The following EEF2 variants were observed in gnomAD, a reference collection of about 807,000 sequenced individuals.
The protein encoded by EEF2 is elongation factor 2.
In EEF2, 21 loss-of-function variants were observed where a neutral mutation model predicts 85.3. The observed-to-expected ratio is 0.25, with a 90% CI of 0.17 to 0.35. EEF2 has a LOEUF of 0.35. Ranked by LOEUF, EEF2 falls within the 10% of genes least tolerant of loss-of-function variation. The pLI is 1.00. For missense variants in EEF2, 825 were observed against 1,225.3 expected (o/e 0.67, Z 4.88); for synonymous variants, 723 against 508.8 (o/e 1.42, Z -5.67).
chr19:3,979,289 C>CGG, intron 11 of EEF2, 40 bp downstream of exon 11: 1 of 1,542,710 alleles, frequency 6.5e-7, no homozygotes, highest in Non-Finnish European at 9.0e-7. Context: ...GGCAGGTGTC[C>CGG]GGGGTGGGGC....
chr19:3,983,968 G>A, intron 2 of EEF2, 168 bp downstream of exon 2: 2 of 702,954 alleles, frequency 2.8e-6, no homozygotes, highest in South Asian at 1.9e-5. Context: ...GAATCCCTGT[G>A]CCTCTCCATC....
chr19:3,984,433 G>A, intron 1 of EEF2, 83 bp from the exon 2 acceptor site: 3 of 1,449,128 alleles, frequency 2.1e-6, no homozygotes, highest in Non-Finnish European at 2.9e-6. Flanking sequence ...AAACGAACCA[G>A]CATGCCCAAG....
rs1238638025 is a variant in EEF2, at chr19:3,978,069, G to C, written c.1817C>G (p.Ala606Gly). Residue 606 changes from alanine to glycine, a missense_variant, in exon 12 of 15, where the codon GCG becomes GGG. Ala to Gly is a moderately conservative substitution (Grantham distance 60, BLOSUM62 0). Transcript: ENST00000309311. ...PNKHNRLYMK[A>G]RPFPDGLAED... is the part of the protein sequence containing the mutation. Reference sequence around the variant, plus strand: ...GGCCAGGCCGTCGGGGAAGGGCCGCGCCTTCATGTACAGCCGGTTGTGCTT... The same window carrying C: ...GGCCAGGCCGTCGGGGAAGGGCCGCCCCTTCATGTACAGCCGGTTGTGCTT... 6.4e-7 allele frequency: 1 copy of C among 1,573,196 alleles called. No homozygotes were observed. The highest frequency in any genetic ancestry group is 1.3e-5 in the African/African-American group (1 of 74,160).
chr19:3,981,506 C>CA, intron 6 of EEF2, 54 bp from the exon 7 acceptor site: 1 of 1,513,780 alleles, frequency 6.6e-7, no homozygotes, highest in Non-Finnish European at 9.1e-7. Flanking sequence ...CAGGAGGAAG[C>CA]CTGGCACTGC....
rs772490991 is a variant in EEF2 at position 3,977,541 on chromosome 19, C to T, written c.2137G>A (p.Ala713Thr). The T allele has an allele frequency of 3.2e-6, 5 of 1,586,950 alleles. No individual in the cohort carries two copies. Among genetic ancestry groups the T allele is most frequent in the Non-Finnish European group, 4.3e-6 (5 of 1,172,114 alleles). The change falls in exon 13 of 15, where the codon GCC (alanine) becomes ACC (threonine). Residue 713 changes from alanine to threonine, a missense_variant. Physicochemically the swap from Ala to Thr is moderately conservative, Grantham distance 58. Coordinates refer to ENST00000309311, the MANE Select transcript of EEF2 (RefSeq NM_001961.4). The surrounding 1 kb of genome is among the most constrained non-coding windows in gnomAD (Gnocchi z 5.4). Reference protein sequence around the residue: ...DVHDVTLHADAIHRGGGQIIP... With the variant: ...DVHDVTLHADTIHRGGGQIIP... Reference sequence around the variant, plus strand: ...ATCTGGCCCCCTCCGCGGTGGATGGCGTCGGCGTGCAGGGTGACGTCGTGG... The same window carrying T: ...ATCTGGCCCCCTCCGCGGTGGATGGTGTCGGCGTGCAGGGTGACGTCGTGG...
Position 3,977,545 on chromosome 19 carries a change from G to A in EEF2, c.2133C>T (p.Ala711=), listed in dbSNP as rs374126801. 67 of 1,586,016 alleles carry A rather than the reference G, an allele frequency of 4.2e-5. No homozygotes were observed. In the African/African-American group the frequency reaches 5.4e-4, roughly 13 times the overall value. ...GGCCCCCTCCGCGGTGGATGGCGTC[G>A]GCGTGCAGGGTGACGTCGTGGACGT... The part of the protein sequence containing the change: ...RFDVHDVTLH[A]DAIHRGGGQI... Residue 711 remains alanine (A), a synonymous_variant, in exon 13 of 15, where the codon GCC becomes GCT. Coordinates refer to ENST00000309311, the MANE Select transcript of EEF2 (RefSeq NM_001961.4). The surrounding 1 kb of genome is among the most constrained non-coding windows in gnomAD (Gnocchi z 5.4).
rs776706788 is a variant in EEF2 at position 3,976,618 on chromosome 19, G to T, written c.2513C>A (p.Thr838Asn). Residue 838 changes from threonine (T) to asparagine (N), a missense_variant, in exon 15 of 15, where the codon ACC becomes AAC. Thr to Asn is a moderately conservative substitution (Grantham distance 65). Transcript: ENST00000309311. Reference sequence around the variant, plus strand: ...TTCTTTCAGGCCCTTGCGCTTGCGGGTCTCCGCCACCACCTGGCTGGGGCG... The same window carrying T: ...TTCTTTCAGGCCCTTGCGCTTGCGGTTCTCCGCCACCACCTGGCTGGGGCG... ...SSRPSQVVAETRKRKGLKEGI... is the reference protein window; with the variant it reads ...SSRPSQVVAENRKRKGLKEGI... The T allele has an allele frequency of 1.2e-6, 2 of 1,610,684 alleles. No individual in the cohort carries two copies. Among genetic ancestry groups the T allele is most frequent in the Non-Finnish European group, 1.7e-6 (2 of 1,178,834 alleles).
At chr19:3,981,787 G>C (rs898262001) in intron 6 of EEF2, among the ~76,000 whole-genome samples, 160 bp downstream of exon 6, 1 of 152,252 alleles carries the variant, frequency 6.6e-6, no homozygotes, top group Admixed American at 6.5e-5. Context: ...CTTAAGAGAG[G>C]AGCCCTGACT....
intron 6 of EEF2, 121 bp from the exon 7 acceptor site, chr19:3,981,573 G>C: frequency 1.1e-6 from 1 of 936,830 alleles, no homozygotes; most frequent in Non-Finnish European, 1.7e-6. Flanking sequence ...AGCAGGAGCA[G>C]GCCTGGCCTG....
chr19:3,982,719 C>T (rs1599197073), intron 4 of EEF2, 88 bp downstream of exon 4: 1 of 1,425,302 alleles, frequency 7.0e-7, no homozygotes, highest in East Asian at 2.5e-5. Context: ...AAACACACTT[C>T]CAGTCCCCCT....
Position 3,982,794 on chromosome 19 carries a change from G to C in EEF2, c.612+13C>G, listed in dbSNP as rs115380849. 5.5e-4 allele frequency: 885 copies of C among 1,604,978 alleles called. 5 individuals carry two copies. The African/African-American group carries it at 0.011, about 20-fold the overall frequency. On this transcript the variant is annotated intron_variant, in intron 4 of 14. Coordinates refer to ENST00000309311, the MANE Select transcript of EEF2 (RefSeq NM_001961.4). ...CTGCGGCAAGCCCACCACCCAGCTA[G>C]GGAGGGCCGTACCATGATGTTGCCC...
chr19:3,982,651 G>T, intron 4 of EEF2, 156 bp downstream of exon 4: 2 of 1,106,824 alleles, frequency 1.8e-6, no homozygotes, highest in Non-Finnish European at 2.6e-6. Context: ...TCAAGGGCTG[G>T]GTCAAGTCGG....
intron 1 of EEF2, chr19:3,985,102 GCCACATCATCATT>G: frequency 5.2e-6 from 2 of 387,338 alleles, no homozygotes; most frequent in Non-Finnish European, 9.1e-6. Flanking sequence ...TACTACGCCT[GCCACATCATCATT>G]CCCCACCCCC....
In EEF2 at chr19:3,984,357, A is replaced by G. The variant is rs1168793970; in HGVS notation, c.4-7T>C. 1.9e-6 allele frequency: 3 copies of G among 1,613,640 alleles called. No individual in the cohort carries two copies. The Admixed American group carries it at 5.0e-5, about 27-fold the overall frequency. ...GGTCTACCGTGAAGTTCACCTGGGC[A>G]AGACAAGGAGGCTCAGACCAGCTCG... On this transcript the variant is annotated splice_region_variant and splice_polypyrimidine_tract_variant and intron_variant, in intron 1 of 14. Coordinates refer to ENST00000309311, the MANE Select transcript of EEF2 (RefSeq NM_001961.4).
intron 1 of EEF2, 52 bp from the exon 2 acceptor site, chr19:3,984,402 A>G: frequency 6.3e-7 from 1 of 1,586,928 alleles, no homozygotes; most frequent in East Asian, 2.2e-5. Context: ...GGAACACAGC[A>G]TGGCACGGAG....
At chr19:3,976,794 G>C (rs764489088) in intron 14 of EEF2, 47 bp from the exon 15 acceptor site, 22 of 1,475,208 alleles carry the variant, frequency 1.5e-5, no homozygotes, top group Non-Finnish European at 1.8e-5. Context: ...GAAGGTGGCA[G>C]GGCAGAAGGA....
At position 3,984,195 on chromosome 19, in the gene EEF2, C is replaced by G; in HGVS notation, c.159G>C (p.Glu53Asp). The G allele has an allele frequency of 6.2e-7, 1 of 1,614,098 alleles. No homozygotes were observed. The highest frequency in any genetic ancestry group is 8.5e-7 in the Non-Finnish European group (1 of 1,180,036). The change falls in exon 2 of 15, where the codon GAG (glutamate) becomes GAC (aspartate). Residue 53 changes from glutamate to aspartate, a missense_variant. Transcript: ENST00000309311. ...CCTTCCGGGTATCAGTGAAGCGTGTCTCCCCGGCCCGGGCCGAGGCGATGA... is the reference window on the plus strand; with the variant it reads ...CCTTCCGGGTATCAGTGAAGCGTGTGTCCCCGGCCCGGGCCGAGGCGATGA... ...AGIIASARAG[E>D]TRFTDTRKDE...
At position 3,980,935 on chromosome 19, in the gene EEF2, C is replaced by T; in HGVS notation, c.1056G>A (p.Gln352=). Residue 352 remains glutamine (Q), a synonymous_variant, in exon 8 of 15, where the codon CAG becomes CAA. Transcript: ENST00000309311. The part of the protein sequence containing the change: ...RWLPAGDALL[Q]MITIHLPSPV... Reference sequence around the variant, plus strand: ...GGGAGGGCAGGTGGATGGTGATCATCTGCAACAAGGCGTCTCCGGCAGGCA... The same window carrying T: ...GGGAGGGCAGGTGGATGGTGATCATTTGCAACAAGGCGTCTCCGGCAGGCA... 2 of 1,573,088 alleles carry T rather than the reference C, an allele frequency of 1.3e-6. No individual in the cohort carries two copies. The highest frequency in any genetic ancestry group is 1.7e-6 in the Non-Finnish European group (2 of 1,160,078).
At chr19:3,976,778 C>A in intron 14 of EEF2, 31 bp from the exon 15 acceptor site, 1 of 1,504,452 alleles carries the variant, frequency 6.6e-7, no homozygotes, top group Admixed American at 2.2e-5. Context: ...CTCACTGGGC[C>A]ATCGAGAAGG....
Sources: allele counts gnomAD v4.1 joint callset (sites outside exome capture counted in the v4.1 genomes callset), GRCh38; gene constraint gnomAD v4.1.1; non-coding constraint Gnocchi (gnomAD v3.1); transcripts MANE v1.5; gene names NCBI Gene and HGNC (gene_info 2026-07-23, HGNC 2026-07-21).